The following BRD4 variants were observed in gnomAD, a reference collection of about 807,000 sequenced individuals.
The protein encoded by BRD4 is bromodomain-containing protein 4.
A neutral mutation model predicts 142.1 loss-of-function variants in BRD4; 16 were observed. The observed-to-expected ratio is 0.11, with a 90% CI of 0.08 to 0.17. The LOEUF is 0.17. BRD4 is among the 10% of genes least tolerant of loss of function. The pLI, the probability that BRD4 is intolerant of heterozygous loss-of-function variation, is 1.00. For missense variants in BRD4, 1,424 were observed against 1,810.9 expected, an observed-to-expected ratio of 0.79 and a Z score of 3.88; for synonymous variants, 833 against 707.5, an observed-to-expected ratio of 1.18 and a Z score of -2.82.
rs370801637 is a variant in BRD4 at position 15,239,280 on chromosome 19, G to C, written c.3577-16C>G. ...TTTTCAGGTCCTGCAGAACAGAGAG[G>C]TTGGGGTGGGTGAGGGGTCTGCTGT... On this transcript the variant is annotated splice_polypyrimidine_tract_variant and intron_variant, in intron 17 of 19. Coordinates refer to ENST00000679869, the MANE Select transcript of BRD4 (RefSeq NM_001379291.1). This position sits in a 1 kb window ranked among gnomAD's most constrained non-coding sequence, Gnocchi z 7.4. 10 of 1,613,114 alleles carry C rather than the reference G, an allele frequency of 6.2e-6. No homozygotes were observed. The highest frequency in any genetic ancestry group is 8.5e-6 in the Non-Finnish European group (10 of 1,179,530).
intron 8 of BRD4, 128 bp from the exon 9 acceptor site, chr19:15,256,391 G>A: frequency 8.3e-7 from 1 of 1,200,234 alleles, no homozygotes; most frequent in Non-Finnish European, 1.2e-6. Context: ...GGGCATAGGG[G>A]AGGCAGGGGA....
At position 15,237,161 on chromosome 19, in the gene BRD4, AAAC is replaced by A; in HGVS notation, c.*1213_*1215del. 4.9e-6 allele frequency: 1 copy of A among 205,188 alleles called. No individual in the cohort carries two copies. Among genetic ancestry groups the A allele is most frequent in the Non-Finnish European group, 9.9e-6 (1 of 101,182 alleles). The allele number at this position is 205,188 out of a possible 1,614,324, so 12.7% of individuals were successfully genotyped here. On this transcript the variant is annotated 3_prime_UTR_variant, in exon 20 of 20. Coordinates refer to ENST00000679869, the MANE Select transcript of BRD4 (RefSeq NM_001379291.1). ...CCTTGGCCCTTCCTTTCTCAGTAAA[AAAC>A]AAAAACAAAAACAAAAACCAAAACC...
In BRD4 at chr19:15,243,117, A is replaced by AGGCTGG. The variant is rs2047252908; in HGVS notation, c.2946_2951dup (p.Gln983_Pro984dup). 2.1e-6 allele frequency: 1 copy of AGGCTGG among 474,274 alleles called. No homozygotes were observed. Among genetic ancestry groups the AGGCTGG allele is most frequent in the African/African-American group, 2.8e-5 (1 of 36,288 alleles). 29.4% of individuals were successfully genotyped at this position (474,274 alleles called of 1,614,324 possible). On this transcript the variant is annotated inframe_insertion, in exon 14 of 20. Transcript: ENST00000679869. ...GGGGCTGATGCTGCTGCTGGGGTGG[A>AGGCTGG]GGCTGGGGCTGGGGTGGTGGGGGTG...
At chr19:15,289,112 C>T (rs1164244426) in intron 1 of BRD4, among the ~76,000 whole-genome samples, 1 of 152,160 alleles carries the variant, frequency 6.6e-6, no homozygotes, top group Non-Finnish European at 1.5e-5. Flanking sequence ...CGACACAGGC[C>T]CCATAGCTCT....
At chr19:15,265,991 CT>C (rs2047530548) in intron 4 of BRD4, among the ~76,000 whole-genome samples, 7 of 152,234 alleles carry the variant, frequency 4.6e-5, no homozygotes, top group Admixed American at 4.6e-4. Context: ...CCAGGCACAG[CT>C]GCCCTTGTTC....
chr19:15,249,084 C>A, intron 11 of BRD4: 2 of 832,044 alleles, frequency 2.4e-6, no homozygotes, highest in Non-Finnish European at 3.7e-6. Context: ...AGGCAGGCAG[C>A]CTTCCCGAAG....
At chr19:15,274,741 C>T (rs567856629) in intron 1 of BRD4, among the ~76,000 whole-genome samples, 2 of 152,376 alleles carry the variant, frequency 1.3e-5, no homozygotes, top group East Asian at 3.9e-4. Context: ...CCATGCTTGT[C>T]TCTTTCCAAA....
At chr19:15,294,734 T>C (rs2145674666) in intron 1 of BRD4, among the ~76,000 whole-genome samples, 1 of 152,250 alleles carries the variant, frequency 6.6e-6, no homozygotes, top group African/African-American at 2.4e-5. Context: ...TAATCCAAAA[T>C]GAACAGAATC....
At chr19:15,240,120 T>C in intron 14 of BRD4, 98 bp from the exon 15 acceptor site, 1 of 1,469,714 alleles carries the variant, frequency 6.8e-7, no homozygotes, top group Non-Finnish European at 9.0e-7. Context: ...ATGGAGAAAC[T>C]GCATGTGCCG....
chr19:15,269,487 G>A (rs539790485), intron 2 of BRD4, among the ~76,000 whole-genome samples: 63 of 152,220 alleles, frequency 4.1e-4, no homozygotes, highest in African/African-American at 1.5e-3. Context: ...TTCCCCTGGC[G>A]CCAATGCTGG....
At chr19:15,272,143 A>G (rs528611346) in intron 2 of BRD4, among the ~76,000 whole-genome samples, 1 of 152,308 alleles carries the variant, frequency 6.6e-6, no homozygotes, top group Non-Finnish European at 1.5e-5. Flanking sequence ...CTTGCAGAAC[A>G]GTTTGCTAGG....
intron 1 of BRD4, among the ~76,000 whole-genome samples, chr19:15,317,826 T>G (rs1249191549): frequency 6.6e-6 from 1 of 152,250 alleles, no homozygotes; most frequent in Non-Finnish European, 1.5e-5. Flanking sequence ...AATTTAAAAC[T>G]GCATTCCTGG....
At chr19:15,274,139 A>G (rs958536840) in intron 1 of BRD4, among the ~76,000 whole-genome samples, 2 of 152,210 alleles carry the variant, frequency 1.3e-5, no homozygotes, top group Admixed American at 6.5e-5. Context: ...CACAAGCCAC[A>G]TATCAGCTTG....
intron 1 of BRD4, among the ~76,000 whole-genome samples, chr19:15,288,324 T>C (rs992200563): frequency 6.6e-6 from 1 of 152,156 alleles, no homozygotes; most frequent in African/African-American, 2.4e-5. Context: ...GAAGGATCGC[T>C]TGAAGCCAGG....
intron 11 of BRD4, 63 bp from the exon 12 acceptor site, chr19:15,244,825 T>C (rs2047271659): frequency 6.2e-7 from 1 of 1,610,758 alleles, no homozygotes; most frequent in Non-Finnish European, 8.5e-7. Flanking sequence ...TGGCCTTGGA[T>C]GAAGAAAGAC....
At chr19:15,329,247 A>G (rs1217419434) in intron 1 of BRD4, among the ~76,000 whole-genome samples, 3 of 152,182 alleles carry the variant, frequency 2.0e-5, no homozygotes, top group African/African-American at 7.2e-5. Context: ...AGGAGCTCCA[A>G]TGACAAGCTT....
Position 15,268,894 on chromosome 19 carries a change from C to A in BRD4, c.423+11G>T. ...CCCCAGGGCAGCTGGACACCCACCC[C>A]TACATCTCACCTTGTTGTAGATGTA... is the stretch of plus-strand genomic sequence containing the variant. On this transcript the variant is annotated intron_variant, in intron 3 of 19. Transcript: ENST00000679869. 1 of 1,613,968 alleles carries A rather than the reference C, an allele frequency of 6.2e-7. No individual in the cohort carries two copies. The highest frequency in any genetic ancestry group is 1.1e-5 in the South Asian group (1 of 91,052).
intron 6 of BRD4, 77 bp from the exon 7 acceptor site, chr19:15,263,625 G>C: frequency 6.3e-7 from 1 of 1,580,836 alleles, no homozygotes; most frequent in Non-Finnish European, 8.7e-7. Flanking sequence ...CAGACGAAAG[G>C]GATGCCTAGA....
chr19:15,319,334 T>C (rs2048042298), intron 1 of BRD4, among the ~76,000 whole-genome samples: 1 of 152,028 alleles, frequency 6.6e-6, no homozygotes, highest in South Asian at 2.1e-4. Flanking sequence ...GCATGGTGGC[T>C]CACACCTGTA....
Sources: gnomAD v4.1 joint callset for allele counts (sites outside exome capture counted in the v4.1 genomes callset) on GRCh38, gnomAD v4.1.1 for gene constraint, Gnocchi (gnomAD v3.1) non-coding constraint, MANE v1.5 for transcripts, NCBI Gene and HGNC (gene_info 2026-07-23, HGNC 2026-07-21) for gene names.